The following NADK variants were observed in gnomAD, a reference collection of about 807,000 sequenced individuals.
NADK encodes the protein NAD kinase.
Under a neutral mutation model 49.8 loss-of-function variants are expected in NADK, and 22 were observed. That is an observed-to-expected ratio of 0.44 (90% CI 0.32 to 0.63). The LOEUF is 0.63. NADK is among the 30% of genes least tolerant of loss of function. The pLI, the probability that NADK is intolerant of heterozygous loss-of-function variation, is 0.06. For synonymous variants in NADK, 268 were observed against 253.7 expected (o/e 1.06, Z -0.54); for missense variants, 438 against 609.4 (o/e 0.72, Z 2.96).
At chr1:1,777,955 A>C (rs1646259833) in intron 1 of NADK, among the ~76,000 whole-genome samples, 1 of 152,080 alleles carries the variant, frequency 6.6e-6, no homozygotes. Context: ...GAAACCACCC[A>C]CGGAAGGCCG....
In NADK at chr1:1,752,707, T is replaced by C. The variant is rs1645363015; in HGVS notation, c.*197A>G. ...CTCCCAGCCCATTTCTCACGCTTCT[T>C]TAGAAATGCAAAAAAAGTCAGACAT... On this transcript the variant is annotated 3_prime_UTR_variant, in exon 12 of 12. Transcript: ENST00000341426. 4 of 625,096 alleles carry C rather than the reference T, an allele frequency of 6.4e-6. No individual in the cohort carries two copies. The highest frequency in any genetic ancestry group is 1.0e-5 in the Non-Finnish European group (4 of 381,962). The allele number at this position is 625,096 out of a possible 1,614,324, so 38.7% of individuals were successfully genotyped here.
In NADK at chr1:1,759,245, T is replaced by C. The variant is rs1181526024; in HGVS notation, c.264-1935A>G. 4 of 1,565,846 alleles carry C rather than the reference T, an allele frequency of 2.6e-6. No individual in the cohort carries two copies. In the African/African-American group the frequency reaches 4.1e-5, roughly 16 times the overall value. On this transcript the variant is annotated intron_variant, in intron 3 of 11. Coordinates refer to ENST00000341426, the MANE Select transcript of NADK (RefSeq NM_023018.5). ...CGCCTCGACCTCTTCCTGGGTCACC[T>C]GCAAAGCAGGACACCAGCCCTTGCA...
At chr1:1,756,411 G>C in intron 5 of NADK, 68 bp from the exon 6 acceptor site, 1 of 1,607,884 alleles carries the variant, frequency 6.2e-7, no homozygotes, top group Non-Finnish European at 8.5e-7. Context: ...GCAGTGCGCA[G>C]ACACCAATGA....
intron 4 of NADK, chr1:1,756,936 G>C: frequency 2.4e-6 from 2 of 819,966 alleles, no homozygotes. Flanking sequence ...CCTTGATCTC[G>C]GACTTCCCGG....
At position 1,753,746 on chromosome 1, in the gene NADK, C is replaced by T. The variant is rs1645410081; in HGVS notation, c.1102-97G>A. On this transcript the variant is annotated intron_variant, in intron 10 of 11. Transcript: ENST00000341426. ...TGCTCGCCAGAGGTCGAAGGTTGGGCAGCTCTGACCCTGCCTTGCGGACGG... is the reference window on the plus strand; with the variant it reads ...TGCTCGCCAGAGGTCGAAGGTTGGGTAGCTCTGACCCTGCCTTGCGGACGG... 10 of 1,123,244 alleles carry T rather than the reference C, an allele frequency of 8.9e-6. 1 individual carries two copies. The South Asian group carries it at 1.4e-4, about 16-fold the overall frequency. The allele number at this position is 1,123,244 out of a possible 1,614,324, so 69.6% of individuals were successfully genotyped here.
At chr1:1,761,159 A>G (rs898123935) in intron 3 of NADK, among the ~76,000 whole-genome samples, 2 of 152,132 alleles carry the variant, frequency 1.3e-5, no homozygotes, top group African/African-American at 4.8e-5. Context: ...TGCTTGGCTA[A>G]TTTTTGTACT....
intron 2 of NADK, among the ~76,000 whole-genome samples, chr1:1,764,689 G>A (rs549905358): frequency 3.9e-5 from 6 of 152,326 alleles, no homozygotes; most frequent in South Asian, 2.1e-4. Context: ...ATCACCTGAC[G>A]TCAGGGGTTC....
Position 1,752,809 on chromosome 1 carries a change from C to G in NADK, c.*95G>C. The G allele has an allele frequency of 2.1e-6, 3 of 1,448,630 alleles. No homozygotes were observed. The highest frequency in any genetic ancestry group is 2.8e-6 in the Non-Finnish European group (3 of 1,063,988). 89.7% of individuals were successfully genotyped at this position (1,448,630 alleles called of 1,614,324 possible). On this transcript the variant is annotated 3_prime_UTR_variant, in exon 12 of 12. Coordinates refer to ENST00000341426, the MANE Select transcript of NADK (RefSeq NM_023018.5). ...CTACAGAAAGGAAGTGGCCGTGCCA[C>G]TGAGACAGGCGGTCACAGACACACG...
At chr1:1,771,459 G>A (rs1401448906) in intron 1 of NADK, among the ~76,000 whole-genome samples, 6 of 152,120 alleles carry the variant, frequency 3.9e-5, no homozygotes, top group South Asian at 4.1e-4. Flanking sequence ...AAGAACAAAC[G>A]CGAAGGGCTA....
At chr1:1,767,042 G>C (rs531227962) in intron 1 of NADK, among the ~76,000 whole-genome samples, 2 of 152,206 alleles carry the variant, frequency 1.3e-5, no homozygotes, top group African/African-American at 4.8e-5. Flanking sequence ...AGCCTCCCTA[G>C]CAGCTGGGAC....
chr1:1,757,364 A>G, intron 3 of NADK, 54 bp from the exon 4 acceptor site: 1 of 1,468,726 alleles, frequency 6.8e-7, no homozygotes. Context: ...TCTTGCGGAA[A>G]AGGTGTATGA....
At chr1:1,767,183 C>T (rs1241095955) in intron 1 of NADK, among the ~76,000 whole-genome samples, 1 of 152,216 alleles carries the variant, frequency 6.6e-6, no homozygotes, top group Non-Finnish European at 1.5e-5. Context: ...TCCCGAAGTG[C>T]TGGGATTACA....
intron 2 of NADK, among the ~76,000 whole-genome samples, chr1:1,762,759 A>ATG (rs1645766811): frequency 2.7e-5 from 4 of 149,064 alleles, no homozygotes; most frequent in African/African-American, 1.0e-4. Context: ...CTCTGTCTCA[A>ATG]AATGAATGAA....
At chr1:1,757,698 A>G (rs1331922736) in intron 3 of NADK, among the ~76,000 whole-genome samples, 2 of 152,080 alleles carry the variant, frequency 1.3e-5, no homozygotes, top group African/African-American at 4.8e-5. Context: ...TCTTTGCTTG[A>G]TGCCCTCCTC....
intron 1 of NADK, among the ~76,000 whole-genome samples, chr1:1,770,334 G>A (rs1036702543): frequency 6.6e-6 from 1 of 152,182 alleles, no homozygotes; most frequent in African/African-American, 2.4e-5. Flanking sequence ...TACAGTGACA[G>A]AAAAGGTTTG....
At chr1:1,764,994 G>C (rs61774979) in intron 2 of NADK, among the ~76,000 whole-genome samples, 26 of 152,260 alleles carry the variant, frequency 1.7e-4, no homozygotes, top group East Asian at 1.2e-3. Flanking sequence ...CAGACAGATA[G>C]AGAAACACGG....
intron 1 of NADK, among the ~76,000 whole-genome samples, chr1:1,774,115 T>C (rs1053010285): frequency 6.6e-6 from 1 of 151,842 alleles, no homozygotes; most frequent in Non-Finnish European, 1.5e-5. Context: ...ATATTAAATA[T>C]TAAAACCAAC....
intron 2 of NADK, among the ~76,000 whole-genome samples, chr1:1,764,226 C>T (rs1448166748): frequency 6.6e-6 from 1 of 152,240 alleles, no homozygotes; most frequent in Non-Finnish European, 1.5e-5. Context: ...AAAAAGCCCC[C>T]CTTGCATTTG....
chr1:1,767,608 A>G (rs1238920988), intron 1 of NADK, among the ~76,000 whole-genome samples: 1 of 152,264 alleles, frequency 6.6e-6, no homozygotes, highest in Non-Finnish European at 1.5e-5. Context: ...CTTAATGAGG[A>G]CAAGGTAGAT....
Sources: allele counts gnomAD v4.1 joint callset (sites outside exome capture counted in the v4.1 genomes callset), GRCh38; gene constraint gnomAD v4.1.1; transcripts MANE v1.5; gene names NCBI Gene and HGNC (gene_info 2026-07-23, HGNC 2026-07-21).